Variants in OFD1 observed in about 807,000 individuals in gnomAD.
OFD1 encodes the protein centriole and centriolar satellite protein OFD1.
In OFD1, 12 loss-of-function variants were observed where a neutral mutation model predicts 81.4. The observed-to-expected ratio is 0.15, with a 90% CI of 0.09 to 0.24. The LOEUF (loss-of-function observed/expected upper bound fraction) is 0.24, where lower values mean the gene tolerates loss of function less well. Among genes scored for constraint, OFD1 ranks in the 10% least tolerant of loss-of-function variants. The pLI is 1.00. For missense variants in OFD1, 685 were observed against 733.9 expected (o/e 0.93, Z 0.77); for synonymous variants, 256 against 263.7 (o/e 0.97, Z 0.28).
In OFD1 at chrX:13,767,949, C is replaced by T. The variant is rs190170597; in HGVS notation, c.2758-105C>T. 15 of 801,490 alleles carry T rather than the reference C, an allele frequency of 1.9e-5. No individual in the cohort carries two copies. In the Admixed American group the frequency reaches 4.1e-4, roughly 22 times the overall value. The allele number at this position is 801,490 out of a possible 1,213,427, so 66.1% of individuals were successfully genotyped here. On this transcript the variant is annotated intron_variant, in intron 20 of 22. Coordinates refer to ENST00000340096, the MANE Select transcript of OFD1 (RefSeq NM_003611.3). The stretch of plus-strand genomic sequence containing the variant: ...TTTTAAAAATTAGTCCTCTGGCATA[C>T]AGGCTGTACTTGAAGGATCGGGATT...
chrX:13,745,307 A>T lies in OFD1; in HGVS notation c.517+788A>T, dbSNP rs370171349. On this transcript the variant is annotated intron_variant, in intron 6 of 22. Coordinates refer to ENST00000340096, the MANE Select transcript of OFD1 (RefSeq NM_003611.3). ...TTTAAATTTTCTAGTAGCCACGTTGAAAAAAGTAAAAAGAAACGGGTGAAA... is the reference window on the plus strand; with the variant it reads ...TTTAAATTTTCTAGTAGCCACGTTGTAAAAAGTAAAAAGAAACGGGTGAAA... 4.4e-5 allele frequency among the ~76,000 whole-genome samples: 5 copies of T among 112,795 alleles called. No individual in the cohort carries two copies. The East Asian group carries it at 1.4e-3, about 31-fold the overall frequency.
rs2048226231 is a variant in OFD1 at position 13,768,703 on chromosome X, T to A, written c.2929-15T>A. ...TATCTAATTTCAAAATTTTCCACCC[T>A]CTCCATGTAATCAGAGCTCAAAAAA... On this transcript the variant is annotated splice_polypyrimidine_tract_variant and intron_variant, in intron 21 of 22. Coordinates refer to ENST00000340096, the MANE Select transcript of OFD1 (RefSeq NM_003611.3). 1.8e-5 allele frequency: 21 copies of A among 1,196,835 alleles called. No individual in the cohort carries two copies. The highest frequency in any genetic ancestry group is 2.4e-5 in the Non-Finnish European group (21 of 881,977).
rs761622748 is a variant in OFD1 at position 13,735,241 on chromosome X, C to A, written c.13-7C>A. 5 of 1,208,165 alleles carry A rather than the reference C, an allele frequency of 4.1e-6. No individual in the cohort carries two copies. In the East Asian group the frequency reaches 1.2e-4, roughly 29 times the overall value. On this transcript the variant is annotated splice_region_variant and splice_polypyrimidine_tract_variant and intron_variant, in intron 1 of 22. Transcript: ENST00000340096. ...CGCAGGTAACCTATAACCATTTTGT[C>A]TTTTAGTCCAACATGTTTACCGTGG...
At chrX:13,743,040 T>C (rs188862042) in intron 5 of OFD1, among the ~76,000 whole-genome samples, 1 of 112,271 alleles carries the variant, frequency 8.9e-6, no homozygotes, top group East Asian at 2.8e-4. Flanking sequence ...TAAACATTTC[T>C]TAAGTAATTT....
upstream of OFD1, among the ~76,000 whole-genome samples, chrX:13,733,171 G>A (rs1407599847): frequency 9.0e-6 from 1 of 110,524 alleles, no homozygotes; most frequent in Non-Finnish European, 1.9e-5. Context: ...GTGGACAAGT[G>A]ATTCTACTTA....
At chrX:13,759,670 A>T (rs1013623825) in intron 15 of OFD1, among the ~76,000 whole-genome samples, 2 of 112,180 alleles carry the variant, frequency 1.8e-5, no homozygotes, top group African/African-American at 6.5e-5. Flanking sequence ...TAGCCCTGGG[A>T]GTTCTGAACA....
chrX:13,742,662 T>A (rs944067799), intron 5 of OFD1, among the ~76,000 whole-genome samples: 18 of 111,147 alleles, frequency 1.6e-4, no homozygotes, highest in African/African-American at 5.6e-4. Context: ...TAGCTGGAAC[T>A]ACAGGCGCCT....
chrX:13,720,138 C>T, the OFD1 span: 7 of 326,680 alleles, frequency 2.1e-5, no homozygotes, highest in East Asian at 9.4e-5. Flanking sequence ...AGCGAAGATA[C>T]GTAGCTTCTG....
At chrX:13,715,741 A>G in the OFD1 span, 1 of 856,143 alleles carries the variant, frequency 1.2e-6, no homozygotes, top group East Asian at 7.6e-5. Context: ...AAAATCAGCT[A>G]TGAGGACAAC....
rs1183311020 is a variant in OFD1, at chrX:13,769,117, G to T, written c.*9G>T. ...TAGACGACTCTTGGTAACCATGTTT[G>T]CTGCCCAGCTTCTAACTTACATACC... On this transcript the variant is annotated 3_prime_UTR_variant, in exon 23 of 23. Transcript: ENST00000340096. 2 of 1,175,209 alleles carry T rather than the reference G, an allele frequency of 1.7e-6. No individual in the cohort carries two copies. The highest frequency in any genetic ancestry group is 2.3e-6 in the Non-Finnish European group (2 of 863,449).
At chrX:13,740,654 G>A (rs1367192859) in intron 5 of OFD1, among the ~76,000 whole-genome samples, 4 of 109,090 alleles carry the variant, frequency 3.7e-5, no homozygotes, top group Non-Finnish European at 7.6e-5. Flanking sequence ...TTAGCCAGGC[G>A]TGGTGGTGAG....
chrX:13,735,210 C>A (rs1416528552), intron 1 of OFD1, 38 bp from the exon 2 acceptor site: 1 of 1,198,737 alleles, frequency 8.3e-7, no homozygotes, highest in Admixed American at 2.2e-5. Context: ...CACGTTCCCT[C>A]TGCCCCGCAG....
At chrX:13,714,584 T>C in the OFD1 span, 1 of 586,969 alleles carries the variant, frequency 1.7e-6, no homozygotes, top group African/African-American at 2.3e-5. Context: ...TTTAAAGTTT[T>C]AAATTAAAAA....
At chrX:13,727,339 A>ATT in the OFD1 span, among the ~76,000 whole-genome samples, 1 of 112,337 alleles carries the variant, frequency 8.9e-6, no homozygotes, top group African/African-American at 3.2e-5. Context: ...AAAATTGACT[A>ATT]CATAATTGGA....
intron 12 of OFD1, 88 bp from the exon 13 acceptor site, chrX:13,756,490 C>T: frequency 2.9e-6 from 2 of 682,829 alleles, no homozygotes; most frequent in Non-Finnish European, 4.5e-6. Context: ...TAAATTGTGA[C>T]ACCATGCTTA....
chrX:13,731,597 G>A (rs2046678756), upstream of OFD1, among the ~76,000 whole-genome samples: 1 of 111,848 alleles, frequency 8.9e-6, no homozygotes, highest in Non-Finnish European at 1.9e-5. Context: ...CTCCATGAGA[G>A]CAGATACACC....
At chrX:13,772,873 G>GCAAA (rs1418751366), downstream of OFD1, 3 of 1,206,480 alleles carry the variant, frequency 2.5e-6, no homozygotes, top group African/African-American at 5.3e-5. Flanking sequence ...AAACACTCTG[G>GCAAA]CAAACATTTA....
At chrX:13,753,465 C>G (rs944005662) in intron 11 of OFD1, 24 bp downstream of exon 11, 2 of 1,199,917 alleles carry the variant, frequency 1.7e-6, no homozygotes, top group Non-Finnish European at 2.3e-6. Flanking sequence ...GGAAAATAAG[C>G]TGTATTTTTC....
At chrX:13,743,029 C>T (rs1022673128) in intron 5 of OFD1, among the ~76,000 whole-genome samples, 1 of 111,981 alleles carries the variant, frequency 8.9e-6, no homozygotes, top group Non-Finnish European at 1.9e-5. Flanking sequence ...TTCCAAGAAA[C>T]TAAACATTTC....
Sources: gnomAD v4.1 joint callset for allele counts (sites outside exome capture counted in the v4.1 genomes callset) on GRCh38, gnomAD v4.1.1 for gene constraint, MANE v1.5 for transcripts, NCBI Gene and HGNC (gene_info 2026-07-23, HGNC 2026-07-21) for gene names.